Variants in LDLRAD4 observed in about 807,000 individuals in gnomAD.
LDLRAD4 encodes the protein low-density lipoprotein receptor class A domain-containing protein 4.
In LDLRAD4, 5 loss-of-function variants were observed where a neutral mutation model predicts 17.0. That is an observed-to-expected ratio of 0.29 (90% CI 0.15 to 0.62). LDLRAD4 has a LOEUF of 0.62. LDLRAD4 is among the 20% of genes least tolerant of loss of function. The pLI, the probability that LDLRAD4 is intolerant of heterozygous loss-of-function variation, is 0.84. For missense variants in LDLRAD4, 340 were observed against 424.7 expected (o/e 0.80, Z 1.75); for synonymous variants, 168 against 171.8 (o/e 0.98, Z 0.17).
chr18:13,377,487 G>A (rs1021152273), intron 1 of LDLRAD4, among the ~76,000 whole-genome samples: 1 of 152,108 alleles, frequency 6.6e-6, no homozygotes, highest in African/African-American at 2.4e-5. Context: ...CTTTCCTAGG[G>A]TGGCACGCGA....
At chr18:13,443,843 C>CA (rs1394013512) in intron 3 of LDLRAD4, among the ~76,000 whole-genome samples, 3 of 152,150 alleles carry the variant, frequency 2.0e-5, no homozygotes, top group Non-Finnish European at 4.4e-5. Context: ...TTCTCTGTCC[C>CA]ACACCATTCC....
At chr18:13,303,251 A>G (rs978018787) in intron 1 of LDLRAD4, among the ~76,000 whole-genome samples, 2 of 151,748 alleles carry the variant, frequency 1.3e-5, no homozygotes, top group East Asian at 1.9e-4. Flanking sequence ...TCTGAAGACA[A>G]TTTTTTTTCC....
chr18:13,259,681 A>C (rs1209731941), intron 1 of LDLRAD4, among the ~76,000 whole-genome samples: 1 of 151,682 alleles, frequency 6.6e-6, no homozygotes, highest in Non-Finnish European at 1.5e-5. Flanking sequence ...CTCCCCTATA[A>C]TCCATCCCTC....
At chr18:13,526,171 A>C (rs1053567908) in intron 3 of LDLRAD4, 1 of 152,146 alleles carries the variant, frequency 6.6e-6, no homozygotes, top group Non-Finnish European at 1.5e-5. Flanking sequence ...TTCATTTCCC[A>C]TCGCAAGTTA....
intron 3 of LDLRAD4, among the ~76,000 whole-genome samples, chr18:13,559,254 G>A (rs150280617): frequency 9.3e-4 from 141 of 152,312 alleles, no homozygotes; most frequent in African/African-American, 3.2e-3. Context: ...CTGCATGGCT[G>A]CTTCCTTGTG....
At chr18:13,549,716 C>T (rs1031458391) in intron 3 of LDLRAD4, among the ~76,000 whole-genome samples, 13 of 151,780 alleles carry the variant, frequency 8.6e-5, no homozygotes, top group Non-Finnish European at 1.6e-4. Context: ...CCATGTGTGC[C>T]GTAGACCAGC....
intron 3 of LDLRAD4, among the ~76,000 whole-genome samples, chr18:13,482,298 C>T (rs561445121): frequency 6.6e-6 from 1 of 152,276 alleles, no homozygotes; most frequent in East Asian, 1.9e-4. Context: ...CACACACTTC[C>T]TCTGCCAGGG....
intron 1 of LDLRAD4, among the ~76,000 whole-genome samples, chr18:13,360,451 C>T (rs1314745693): frequency 1.3e-5 from 2 of 151,866 alleles, no homozygotes; most frequent in Non-Finnish European, 2.9e-5. Flanking sequence ...GGCTAGTTTT[C>T]ACTCTCAGTG....
intron 3 of LDLRAD4, chr18:13,520,458 G>A (rs530839702): frequency 2.6e-5 from 4 of 152,336 alleles, no homozygotes; most frequent in African/African-American, 4.8e-5. Context: ...CAGACAGAGC[G>A]GGAGGACATC....
At chr18:13,443,241 G>T (rs77426628) in intron 3 of LDLRAD4, among the ~76,000 whole-genome samples, 5,305 of 152,074 alleles carry the variant, frequency 0.035, 305 homozygotes, top group East Asian at 0.26. Context: ...TCCCACCTTC[G>T]TCATTTTTTC....
chr18:13,632,589 GGC>G (rs1320516472), intron 4 of LDLRAD4, among the ~76,000 whole-genome samples: 1 of 152,354 alleles, frequency 6.6e-6, no homozygotes, highest in African/African-American at 2.4e-5. Flanking sequence ...TCACAGCCCT[GGC>G]CAGGAGAACC....
chr18:13,591,832 A>G (rs528290540), intron 3 of LDLRAD4, among the ~76,000 whole-genome samples: 1 of 152,336 alleles, frequency 6.6e-6, no homozygotes, highest in Admixed American at 6.5e-5. Flanking sequence ...TTTTAATTGT[A>G]TGCCACATGC....
At chr18:13,635,170 A>T (rs909499813) in intron 4 of LDLRAD4, among the ~76,000 whole-genome samples, 2 of 152,234 alleles carry the variant, frequency 1.3e-5, no homozygotes, top group African/African-American at 4.8e-5. Context: ...GTGGCTTATA[A>T]ACAGCAAACA....
chr18:13,508,623 G>A (rs1231454068), intron 3 of LDLRAD4, among the ~76,000 whole-genome samples: 1 of 152,104 alleles, frequency 6.6e-6, no homozygotes, highest in African/African-American at 2.4e-5. Flanking sequence ...CAACAAAACT[G>A]GATGACAGCA....
intron 1 of LDLRAD4, among the ~76,000 whole-genome samples, chr18:13,249,934 A>G (rs1467586734): frequency 6.6e-6 from 1 of 152,206 alleles, no homozygotes; most frequent in Non-Finnish European, 1.5e-5. Context: ...ATACGGTGAC[A>G]GGTAGGGGTC....
chr18:13,564,517 C>T (rs1335621034), intron 3 of LDLRAD4, among the ~76,000 whole-genome samples: 1 of 149,680 alleles, frequency 6.7e-6, no homozygotes, highest in African/African-American at 2.5e-5. Context: ...CTCGCCTCAC[C>T]TGCTCTCCTT....
At chr18:13,602,421 G>T (rs2095173709) in intron 3 of LDLRAD4, among the ~76,000 whole-genome samples, 1 of 151,536 alleles carries the variant, frequency 6.6e-6, no homozygotes, top group Non-Finnish European at 1.5e-5. Flanking sequence ...TATATTGGTT[G>T]CTTTGGGAAT....
At chr18:13,421,146 C>T (rs2089410631) in intron 2 of LDLRAD4, 1 of 152,434 alleles carries the variant, frequency 6.6e-6, no homozygotes, top group Non-Finnish European at 1.5e-5. Flanking sequence ...GGATGTCCAC[C>T]AGGCTGCCGG....
At chr18:13,446,458 C>T (rs1355855256) in intron 3 of LDLRAD4, among the ~76,000 whole-genome samples, 1 of 152,140 alleles carries the variant, frequency 6.6e-6, no homozygotes, top group South Asian at 2.1e-4. Context: ...ACATAGTTGA[C>T]GATTTTTGGT....
Sources: allele counts gnomAD v4.1 joint callset (sites outside exome capture counted in the v4.1 genomes callset), GRCh38; gene constraint gnomAD v4.1.1; transcripts MANE v1.5; gene names NCBI Gene and HGNC (gene_info 2026-07-23, HGNC 2026-07-21).